Variants in MTMR8 observed in about 807,000 individuals in gnomAD.
The protein encoded by MTMR8 is phosphatidylinositol-3,5-bisphosphate 3-phosphatase MTMR8.
A neutral mutation model predicts 39.3 loss-of-function variants in MTMR8; 65 were observed. The ratio of observed to expected loss-of-function variants is 1.65; its 90% CI spans 1.35 to 2.03. The LOEUF (loss-of-function observed/expected upper bound fraction) is 2.03. Ranked by LOEUF, MTMR8 falls within the 30% of genes most tolerant of loss-of-function variation. The pLI is 0.00. For missense variants in MTMR8, 777 were observed against 538.9 expected (o/e 1.44, Z -4.37); for synonymous variants, 245 against 185.2 (o/e 1.32, Z -2.62).
At chrX:64,368,802 T>TA (rs975066100) in intron 1 of MTMR8, among the ~76,000 whole-genome samples, 4 of 112,066 alleles carry the variant, frequency 3.6e-5, no homozygotes, top group African/African-American at 1.3e-4. Flanking sequence ...CAAAAGAAAC[T>TA]ACCATCAGAG....
At chrX:64,370,825 G>A (rs139090431) in intron 1 of MTMR8, among the ~76,000 whole-genome samples, 503 of 111,558 alleles carry the variant, frequency 4.5e-3, no homozygotes, top group Non-Finnish European at 8.0e-3. Flanking sequence ...ATGCATGACT[G>A]TAACTCTAAA....
intron 1 of MTMR8, among the ~76,000 whole-genome samples, chrX:64,363,666 C>T (rs1354415980): frequency 1.8e-5 from 2 of 111,816 alleles, no homozygotes; most frequent in Admixed American, 9.5e-5. Flanking sequence ...CAGCTCCCAG[C>T]GTGACCGACG....
At chrX:64,286,477 C>A (rs1213749607) in intron 12 of MTMR8, among the ~76,000 whole-genome samples, 1 of 111,833 alleles carries the variant, frequency 8.9e-6, no homozygotes, top group Non-Finnish European at 1.9e-5. Context: ...CCAGCATCAT[C>A]CTGATATCAA....
At position 64,303,777 on chromosome X, in the gene MTMR8, C is replaced by A. The variant is rs756687480; in HGVS notation, c.1481+24995G>T. ...TTTCATATAAAACAAAGTTTGAAAA[C>A]AAGTAACATTTAAATACAGCATGGT... On this transcript the variant is annotated intron_variant, in intron 12 of 13. Coordinates refer to ENST00000374852, the MANE Select transcript of MTMR8 (RefSeq NM_017677.4). Among the ~76,000 whole-genome samples the A allele has an allele frequency of 8.0e-5, 9 of 112,400 alleles. No homozygotes were observed. The East Asian group carries it at 2.2e-3, about 28-fold the overall frequency.
In MTMR8 at chrX:64,395,387, G is replaced by A. The variant is rs1167123673; in HGVS notation, c.-24C>T. On this transcript the variant is annotated 5_prime_UTR_variant, in exon 1 of 14. Transcript: ENST00000374852. ...ATGACTGCAGTTCCCGCCACCGGAA[G>A]ATCTCAGTGCTACTCCAGATGCCGC... is the stretch of plus-strand genomic sequence containing the variant. 1 of 1,207,083 alleles carries A rather than the reference G, an allele frequency of 8.3e-7. No homozygotes were observed. Among genetic ancestry groups the A allele is most frequent in the East Asian group, 3.0e-5 (1 of 33,786 alleles).
chrX:64,323,146 A>T (rs1042608652), intron 12 of MTMR8, among the ~76,000 whole-genome samples: 1 of 112,263 alleles, frequency 8.9e-6, no homozygotes, highest in African/African-American at 3.2e-5. Context: ...TGCTGCCTAC[A>T]TACTTACCAA....
At chrX:64,300,342 G>C (rs1309238198) in intron 12 of MTMR8, among the ~76,000 whole-genome samples, 2 of 111,044 alleles carry the variant, frequency 1.8e-5, no homozygotes, top group Non-Finnish European at 3.8e-5. Flanking sequence ...TAATGGCCTT[G>C]TCTCTTTTGA....
chrX:64,287,544 C>T (rs1921231546), intron 12 of MTMR8, among the ~76,000 whole-genome samples: 1 of 111,204 alleles, frequency 9.0e-6, no homozygotes, highest in South Asian at 3.8e-4. Context: ...CTGGAGGCAT[C>T]ACGCTACCTG....
chrX:64,314,027 G>A (rs1437255124), intron 12 of MTMR8, among the ~76,000 whole-genome samples: 1 of 112,239 alleles, frequency 8.9e-6, no homozygotes, highest in Non-Finnish European at 1.9e-5. Flanking sequence ...GTTCATTTCT[G>A]GAAGATTTTA....
chrX:64,330,336 A>G (rs1441565490), intron 11 of MTMR8, among the ~76,000 whole-genome samples: 1 of 111,790 alleles, frequency 8.9e-6, no homozygotes, highest in East Asian at 2.8e-4. Flanking sequence ...AGAAACATGC[A>G]TGGCATCAAG....
chrX:64,285,174 T>G (rs1921114103), intron 12 of MTMR8, among the ~76,000 whole-genome samples: 1 of 111,529 alleles, frequency 9.0e-6, no homozygotes, highest in Non-Finnish European at 1.9e-5. Context: ...TTTGCAATCC[T>G]AGTCTCTGAT....
intron 10 of MTMR8, among the ~76,000 whole-genome samples, chrX:64,333,068 T>G (rs1402657439): frequency 9.0e-6 from 1 of 111,701 alleles, no homozygotes; most frequent in African/African-American, 3.3e-5. Flanking sequence ...ATTATTTTCC[T>G]TCTAAATCCA....
At position 64,392,590 on chromosome X, in the gene MTMR8, G is replaced by GTTTT. The variant is rs201521776; in HGVS notation, c.24+2749_24+2750insAAAA. Among the ~76,000 whole-genome samples the GTTTT allele has an allele frequency of 4.9e-3, 549 of 111,121 alleles. 3 individuals are homozygous for GTTTT. Among genetic ancestry groups the GTTTT allele is most frequent in the African/African-American group, 0.017 (525 of 30,564 alleles). On this transcript the variant is annotated intron_variant, in intron 1 of 13. Coordinates refer to ENST00000374852, the MANE Select transcript of MTMR8 (RefSeq NM_017677.4). ...TCTAGTAATGTTCTTTTTTTTGTTT[G>GTTTT]TTTGTTTGTTTTTTGTTTTTGTTTT...
intron 8 of MTMR8, among the ~76,000 whole-genome samples, chrX:64,339,786 A>G (rs144337092): frequency 0.014 from 1,576 of 110,293 alleles, 37 homozygotes; most frequent in African/African-American, 0.048. Context: ...CACTATGTCC[A>G]CCGAGATAGC....
chrX:64,308,225 T>TA (rs1443721643), intron 12 of MTMR8, among the ~76,000 whole-genome samples: 2 of 110,916 alleles, frequency 1.8e-5, no homozygotes, highest in Non-Finnish European at 3.8e-5. Flanking sequence ...TACTTTTTTT[T>TA]TTATTATTAT....
chrX:64,320,283 T>G (rs1224799351), intron 12 of MTMR8, among the ~76,000 whole-genome samples: 2 of 111,060 alleles, frequency 1.8e-5, no homozygotes, highest in African/African-American at 6.5e-5. Flanking sequence ...GACTACTAAA[T>G]TTTGGTAAGA....
At chrX:64,273,536 G>T (rs1416716436) in intron 12 of MTMR8, among the ~76,000 whole-genome samples, 1 of 109,585 alleles carries the variant, frequency 9.1e-6, no homozygotes, top group Non-Finnish European at 1.9e-5. Flanking sequence ...GAAATGAAAA[G>T]AAGAACAACA....
At chrX:64,343,513 T>C in intron 8 of MTMR8, 98 bp downstream of exon 8, 3 of 519,191 alleles carry the variant, frequency 5.8e-6, no homozygotes, top group Non-Finnish European at 6.3e-6. Flanking sequence ...ATCTAGAAAC[T>C]AGATTTCTTT....
chrX:64,342,115 GATCAGA>G lies in MTMR8; in HGVS notation c.975+1490_975+1495del, dbSNP rs757465174. Among the ~76,000 whole-genome samples, 12 of 112,035 alleles carry G rather than the reference GATCAGA, an allele frequency of 1.1e-4. No individual in the cohort carries two copies. The East Asian group carries it at 2.8e-3, about 26-fold the overall frequency. ...GAGGATTTTGAGTTTAAAGTGACAT[GATCAGA>G]CATGTTCAAGAAAAATAACTTTAGT... On this transcript the variant is annotated intron_variant, in intron 8 of 13. Transcript: ENST00000374852.
Sources: gnomAD v4.1 joint callset for allele counts (sites outside exome capture counted in the v4.1 genomes callset) on GRCh38, gnomAD v4.1.1 for gene constraint, MANE v1.5 for transcripts, NCBI Gene and HGNC (gene_info 2026-07-23, HGNC 2026-07-21) for gene names.